The following THSD4 variants were observed in gnomAD, a reference collection of about 807,000 sequenced individuals.
The protein encoded by THSD4 is thrombospondin type 1 domain containing 4.
THSD4 carries 69 observed loss-of-function variants against 119.0 expected under a neutral mutation model. The ratio of observed to expected loss-of-function variants is 0.58; its 90% CI spans 0.48 to 0.71. The LOEUF is 0.71. THSD4 is among the 30% of genes least tolerant of loss of function. The pLI is 0.00. For synonymous variants in THSD4, 524 were observed against 540.4 expected (o/e 0.97, Z 0.42); for missense variants, 1,393 against 1,391.1 (o/e 1.00, Z -0.02).
chr15:71,485,112 T>TG (rs1940125271), intron 7 of THSD4, among the ~76,000 whole-genome samples: 1 of 152,194 alleles, frequency 6.6e-6, no homozygotes, highest in Non-Finnish European at 1.5e-5. Context: ...GGGTGTTTAA[T>TG]CAGTAACCAC....
rs146938203 is a variant in THSD4 at position 71,676,465 on chromosome 15, A to G, written c.1357+15731A>G. ...CCTGGCTAATTTTTGTATTTTTAGT[A>G]GAGACAGGGTTTTACCATGTTGGCC... On this transcript the variant is annotated intron_variant, in intron 8 of 17. Transcript: ENST00000261862. Among the ~76,000 whole-genome samples the G allele has an allele frequency of 1.7e-3, 262 of 152,294 alleles. 1 individual carries two copies. Among genetic ancestry groups the G allele is most frequent in the Admixed American group, 0.016 (244 of 15,296 alleles).
chr15:71,488,241 A>G (rs528668800), intron 7 of THSD4, among the ~76,000 whole-genome samples: 34 of 152,356 alleles, frequency 2.2e-4, no homozygotes, highest in Non-Finnish European at 3.7e-4. Context: ...ACTTATTTAT[A>G]TGGTGAATTA....
intron 6 of THSD4, among the ~76,000 whole-genome samples, chr15:71,268,022 C>T (rs1473077791): frequency 6.6e-6 from 1 of 152,156 alleles, no homozygotes; most frequent in Non-Finnish European, 1.5e-5. Flanking sequence ...GAGACTTTAA[C>T]ACCCCACTGT....
In THSD4 at chr15:71,183,964, A is replaced by G. The variant is rs943718477; in HGVS notation, c.99+29032A>G. On this transcript the variant is annotated intron_variant, in intron 3 of 17. Coordinates refer to ENST00000261862, the MANE Select transcript of THSD4 (RefSeq NM_024817.3). ...AAAGTTGCCTGCAGTTTTGAGAACC[A>G]TCTATTTAAACTGGTAAATCCGCCT... 9 of 151,842 alleles carry G rather than the reference A, an allele frequency of 5.9e-5. 1 individual carries two copies. Among genetic ancestry groups the G allele is most frequent in the Admixed American group, 2.6e-4 (4 of 15,260 alleles). The allele number at this position is 151,842 out of a possible 1,614,324, so 9.4% of individuals were successfully genotyped here.
intron 7 of THSD4, among the ~76,000 whole-genome samples, chr15:71,553,386 C>T (rs1248668402): frequency 1.3e-5 from 2 of 149,360 alleles, no homozygotes; most frequent in South Asian, 2.1e-4. Context: ...AGTGCAATGG[C>T]GTGATCTCGG....
intron 8 of THSD4, among the ~76,000 whole-genome samples, chr15:71,688,848 G>GT (rs1170305347): frequency 6.6e-6 from 1 of 151,788 alleles, no homozygotes; most frequent in Non-Finnish European, 1.5e-5. Flanking sequence ...CCCTGCCAGT[G>GT]TTTTTTTCTT....
At chr15:71,519,151 G>A (rs1360143488) in intron 7 of THSD4, among the ~76,000 whole-genome samples, 2 of 152,018 alleles carry the variant, frequency 1.3e-5, no homozygotes, top group Non-Finnish European at 2.9e-5. Flanking sequence ...ATCCAGTGTT[G>A]GGGGCAGAGG....
At chr15:71,270,831 C>CTT (rs770020310) in intron 6 of THSD4, among the ~76,000 whole-genome samples, 1 of 34,758 alleles carries the variant, frequency 2.9e-5, no homozygotes, top group Non-Finnish European at 5.8e-5. Context: ...AGCCATCTCT[C>CTT]TTTTTTTTTT....
At chr15:71,110,845 T>C, upstream of THSD4, 1 of 368,916 alleles carries the variant, frequency 2.7e-6, no homozygotes, top group Non-Finnish European at 4.9e-6. Context: ...TTGGCTTCAA[T>C]AAATGAAGGA....
intron 6 of THSD4, among the ~76,000 whole-genome samples, chr15:71,402,397 C>G (rs1260293700): frequency 6.6e-6 from 1 of 152,172 alleles, no homozygotes; most frequent in South Asian, 2.1e-4. Flanking sequence ...GCACTTCACA[C>G]TGGAGCCATG....
intron 6 of THSD4, among the ~76,000 whole-genome samples, chr15:71,294,682 C>T (rs1020178248): frequency 6.6e-6 from 1 of 152,104 alleles, no homozygotes; most frequent in African/African-American, 2.4e-5. Context: ...ATGCCTGGCC[C>T]AAGACGTATG....
At chr15:71,106,154 T>C (rs769338156) in intron 1 of THSD4, among the ~76,000 whole-genome samples, 46 of 151,920 alleles carry the variant, frequency 3.0e-4, no homozygotes, top group Non-Finnish European at 1.6e-4. Flanking sequence ...CAGGAGAAAA[T>C]TATTATGGGA....
intron 3 of THSD4, among the ~76,000 whole-genome samples, chr15:71,155,515 T>C (rs1470365404): frequency 1.3e-5 from 2 of 152,204 alleles, no homozygotes; most frequent in African/African-American, 2.4e-5. Flanking sequence ...GTACCTGCAG[T>C]TGGTCTCTGA....
At chr15:71,149,039 CT>C (rs1269365382) in intron 2 of THSD4, among the ~76,000 whole-genome samples, 156 of 138,956 alleles carry the variant, frequency 1.1e-3, no homozygotes, top group Non-Finnish European at 8.2e-4. Flanking sequence ...GCTGCCTTTA[CT>C]TTTTTTTTTT....
intron 7 of THSD4, among the ~76,000 whole-genome samples, chr15:71,549,216 A>G (rs1334366733): frequency 6.6e-6 from 1 of 152,218 alleles, no homozygotes; most frequent in African/African-American, 2.4e-5. Context: ...CTTAACATGA[A>G]TAGCTAGAAA....
chr15:71,341,268 T>C, intron 6 of THSD4: 2 of 1,596,610 alleles, frequency 1.3e-6, no homozygotes. Context: ...TCCGTAAGGA[T>C]CATCTCAATG....
At chr15:71,681,887 T>C (rs1214777791) in intron 8 of THSD4, among the ~76,000 whole-genome samples, 1 of 152,090 alleles carries the variant, frequency 6.6e-6, no homozygotes, top group African/African-American at 2.4e-5. Context: ...GATTGGGCTA[T>C]TAGATGTTCC....
rs546022035 is a variant in THSD4, at chr15:71,659,968, A to G, written c.1153-562A>G. 3.5e-4 allele frequency among the ~76,000 whole-genome samples: 53 copies of G among 152,184 alleles called. No homozygotes were observed. The South Asian group carries it at 9.4e-3, about 27-fold the overall frequency. ...TACCTTCATCCTTCTGCTCTGGGAA[A>G]AGTGCTCTGGGGTAACCAAGGAAAA... On this transcript the variant is annotated intron_variant, in intron 7 of 17. Transcript: ENST00000261862.
At chr15:71,409,800 A>C (rs985249879) in intron 6 of THSD4, among the ~76,000 whole-genome samples, 8 of 151,966 alleles carry the variant, frequency 5.3e-5, no homozygotes, top group Non-Finnish European at 7.4e-5. Context: ...AAAAGTCAGT[A>C]TTACCCAGTC....
Sources: gnomAD v4.1 joint callset for allele counts (sites outside exome capture counted in the v4.1 genomes callset) on GRCh38, gnomAD v4.1.1 for gene constraint, MANE v1.5 for transcripts, NCBI Gene and HGNC (gene_info 2026-07-23, HGNC 2026-07-21) for gene names.